The following COA1 variants were observed in gnomAD, a reference collection of about 807,000 sequenced individuals.
COA1 encodes the protein cytochrome c oxidase assembly factor 1 homolog.
COA1 carries 13 observed loss-of-function variants against 16.0 expected under a neutral mutation model. The ratio of observed to expected loss-of-function variants is 0.81; its 90% confidence interval spans 0.53 to 1.29. The LOEUF is 1.29. COA1 is among the 50% of genes most tolerant of loss of function. The pLI, the probability that COA1 is intolerant of heterozygous loss-of-function variation, is 0.00. For synonymous variants in COA1, 65 were observed against 65.7 expected (o/e 0.99, Z 0.05); for missense variants, 179 against 177.0 (o/e 1.01, Z -0.06).
chr7:43,615,697 C>T (rs1189620994), intron 6 of COA1, among the ~76,000 whole-genome samples: 1 of 152,146 alleles, frequency 6.6e-6, no homozygotes, highest in Admixed American at 6.5e-5. Context: ...CTCATGCCTC[C>T]CACCACTCGT....
At chr7:43,617,369 T>G (rs919526505) in intron 6 of COA1, among the ~76,000 whole-genome samples, 1 of 152,204 alleles carries the variant, frequency 6.6e-6, no homozygotes, top group Non-Finnish European at 1.5e-5. Context: ...GCCATTGCAA[T>G]AGAGCAAGAA....
exon 7 of COA1, chr7:43,608,525 T>C: frequency 1.7e-6 from 2 of 1,184,344 alleles, no homozygotes; most frequent in Non-Finnish European, 2.3e-6. Context: ...ATATTAGAAT[T>C]GAGTCTTTAC....
intron 1 of COA1, among the ~76,000 whole-genome samples, chr7:43,676,713 T>G (rs778202516): frequency 6.6e-6 from 1 of 152,140 alleles, no homozygotes; most frequent in Non-Finnish European, 1.5e-5. Flanking sequence ...ATATGCTAAT[T>G]ACCATGGCTT....
intron 1 of COA1, among the ~76,000 whole-genome samples, chr7:43,710,645 A>G (rs796166512): frequency 9.9e-4 from 151 of 152,230 alleles, no homozygotes; most frequent in African/African-American, 3.4e-3. Context: ...CTTGACATAA[A>G]CTATCTCATT....
intron 1 of COA1, among the ~76,000 whole-genome samples, chr7:43,659,308 T>C (rs770289961): frequency 2.1e-4 from 32 of 152,232 alleles, no homozygotes; most frequent in Non-Finnish European, 3.8e-4. Context: ...AACTTGAGCA[T>C]TGAAAACTAC....
intron 3 of COA1, 158 bp downstream of exon 3, chr7:43,647,377 A>T: frequency 1.6e-6 from 1 of 643,078 alleles, no homozygotes; most frequent in Admixed American, 2.6e-5. Flanking sequence ...TACAGGATAC[A>T]GAGGAAGCTA....
chr7:43,686,589 C>T (rs1431537714), intron 1 of COA1, among the ~76,000 whole-genome samples: 3 of 152,174 alleles, frequency 2.0e-5, no homozygotes, highest in Non-Finnish European at 2.9e-5. Context: ...CCACCGCGCC[C>T]GGCCGGCTTT....
At chr7:43,679,482 A>T (rs2093674269) in intron 1 of COA1, among the ~76,000 whole-genome samples, 1 of 152,140 alleles carries the variant, frequency 6.6e-6, no homozygotes, top group South Asian at 2.1e-4. Context: ...AACAAGGGCC[A>T]TCTAATCTGA....
At chr7:43,655,502 T>C (rs1333052528) in intron 1 of COA1, among the ~76,000 whole-genome samples, 1 of 151,954 alleles carries the variant, frequency 6.6e-6, no homozygotes, top group Non-Finnish European at 1.5e-5. Context: ...AAATATAACA[T>C]CAACCGGGCA....
intron 1 of COA1, among the ~76,000 whole-genome samples, chr7:43,653,260 C>G (rs1203884464): frequency 2.6e-5 from 4 of 151,774 alleles, no homozygotes; most frequent in Admixed American, 2.6e-4. Context: ...TGCGGTGAGC[C>G]GAGATTGCGC....
At chr7:43,710,790 T>G (rs2095219884) in intron 1 of COA1, among the ~76,000 whole-genome samples, 1 of 152,158 alleles carries the variant, frequency 6.6e-6, no homozygotes, top group South Asian at 2.1e-4. Context: ...AAACCTCAGG[T>G]GCTAAGCCCT....
chr7:43,609,325 C>G (rs2082669446), exon 7 of COA1: 1 of 152,288 alleles, frequency 6.6e-6, no homozygotes, highest in African/African-American at 2.4e-5. Flanking sequence ...CAGCGTAGAT[C>G]AATTTGGAAC....
downstream of COA1, among the ~76,000 whole-genome samples, chr7:43,638,156 A>G (rs2086220988): frequency 6.6e-6 from 1 of 152,214 alleles, no homozygotes; most frequent in African/African-American, 2.4e-5. Context: ...TTTTTAAAGA[A>G]ACAACTCCAG....
intron 1 of COA1, among the ~76,000 whole-genome samples, chr7:43,726,115 A>C (rs1417899973): frequency 6.6e-6 from 1 of 152,190 alleles, no homozygotes; most frequent in African/African-American, 2.4e-5. Context: ...TCACAAATCT[A>C]ATGCAGCATA....
rs1320116388 is a variant in COA1, at chr7:43,729,484, GGGAAA to G, written c.-99_-95del. On this transcript the variant is annotated 5_prime_UTR_variant, in exon 1 of 6. Transcript: ENST00000223336. ...GAGCATGACGAGTTCTTCCAGGCTT[GGGAAA>G]GCACGGGTAAATGCCCGCGGTCCTG... 1.3e-5 allele frequency: 2 copies of G among 152,336 alleles called. No homozygotes were observed. Among genetic ancestry groups the G allele is most frequent in the Non-Finnish European group, 2.9e-5 (2 of 68,108 alleles). The allele number at this position is 152,336 out of a possible 1,614,324, so 9.4% of individuals were successfully genotyped here.
At chr7:43,608,496 GTAT>G (rs2082636756) in exon 7 of COA1, 2 of 1,390,906 alleles carry the variant, frequency 1.4e-6, no homozygotes, top group South Asian at 1.4e-5. Flanking sequence ...TCACGTTTGT[GTAT>G]TATTAGGTAA....
chr7:43,728,960 A>G (rs907602423), intron 1 of COA1, among the ~76,000 whole-genome samples: 3 of 152,238 alleles, frequency 2.0e-5, no homozygotes, highest in African/African-American at 7.2e-5. Flanking sequence ...TTTTGCAGTC[A>G]GCCCCTGTTG....
intron 1 of COA1, among the ~76,000 whole-genome samples, chr7:43,706,255 A>G (rs576029035): frequency 9.2e-5 from 14 of 152,278 alleles, no homozygotes; most frequent in Non-Finnish European, 1.6e-4. Context: ...ATTAGAATCC[A>G]AGCCAGGCGC....
At chr7:43,716,543 G>C (rs1325665692) in intron 1 of COA1, among the ~76,000 whole-genome samples, 3 of 152,180 alleles carry the variant, frequency 2.0e-5, no homozygotes, top group African/African-American at 7.2e-5. Context: ...CTTGGGTGCT[G>C]TTAAAAGCAT....
Sources: allele counts gnomAD v4.1 joint callset (sites outside exome capture counted in the v4.1 genomes callset), GRCh38; gene constraint gnomAD v4.1.1; transcripts MANE v1.5; gene names NCBI Gene and HGNC (gene_info 2026-07-23, HGNC 2026-07-21).